Variants in ADGRB3 observed in about 807,000 individuals in gnomAD.
ADGRB3 encodes the protein brain-specific angiogenesis inhibitor 3.
ADGRB3 carries 37 observed loss-of-function variants against 193.4 expected under a neutral mutation model. The observed-to-expected ratio is 0.19, with a 90% CI of 0.15 to 0.25. The LOEUF (loss-of-function observed/expected upper bound fraction) is 0.25. ADGRB3 is among the 10% of genes least tolerant of loss of function. The pLI is 1.00. For missense variants in ADGRB3, 1,637 were observed against 1,852.9 expected (o/e 0.88, Z 2.14); for synonymous variants, 690 against 644.2 (o/e 1.07, Z -1.08).
At chr6:68,814,241 T>C (rs1352487030) in intron 3 of ADGRB3, among the ~76,000 whole-genome samples, 1 of 152,190 alleles carries the variant, frequency 6.6e-6, no homozygotes, top group Non-Finnish European at 1.5e-5. Context: ...TTTTTAATGA[T>C]TGCCATTCTA....
At chr6:68,689,453 A>C (rs555608060) in intron 3 of ADGRB3, among the ~76,000 whole-genome samples, 1 of 152,300 alleles carries the variant, frequency 6.6e-6, no homozygotes, top group South Asian at 2.1e-4. Flanking sequence ...TGAGGGGAAC[A>C]AACCAAGATT....
chr6:69,021,730 G>T (rs954233412), intron 13 of ADGRB3, among the ~76,000 whole-genome samples: 1 of 151,918 alleles, frequency 6.6e-6, no homozygotes. Context: ...CAGAAAAGGA[G>T]TGACATATTT....
Position 69,351,887 on chromosome 6 carries a change from A to C in ADGRB3, c.3460-2346A>C, listed in dbSNP as rs1355020970. 2.0e-5 allele frequency among the ~76,000 whole-genome samples: 3 copies of C among 152,226 alleles called. No homozygotes were observed. The East Asian group carries it at 5.8e-4, about 29-fold the overall frequency. ...TGGTTAGCAAGGACCATTCAAATTA[A>C]TCTTTGGTATTGCCAAAATATTTCT... On this transcript the variant is annotated intron_variant, in intron 26 of 31. Transcript: ENST00000370598.
Position 69,233,293 on chromosome 6 carries a change from C to T in ADGRB3, c.2484C>T (p.Asn828=). ...CCCCCCTCACTCCCCTTTGCAGGAA[C>T]GAGTCTTTGGGAACGTGGTCCACCC... ...YCVLWDDSKT[N]ESLGTWSTQG... Residue 828 remains asparagine (N), a synonymous_variant, in exon 18 of 32, where the codon AAC becomes AAT. Transcript: ENST00000370598. 1 of 1,613,480 alleles carries T rather than the reference C, an allele frequency of 6.2e-7. No individual in the cohort carries two copies. The highest frequency in any genetic ancestry group is 8.5e-7 in the Non-Finnish European group (1 of 1,179,758).
chr6:69,377,029 T>C (rs564104085), intron 30 of ADGRB3, among the ~76,000 whole-genome samples: 1 of 152,214 alleles, frequency 6.6e-6, no homozygotes, highest in East Asian at 1.9e-4. Context: ...ACACTAAAAA[T>C]GGGTCTACAA....
intron 3 of ADGRB3, among the ~76,000 whole-genome samples, chr6:68,703,665 C>T (rs1377322271): frequency 6.6e-6 from 1 of 152,120 alleles, no homozygotes; most frequent in Non-Finnish European, 1.5e-5. Flanking sequence ...CTCTGTTGCC[C>T]AGCCTGGAGT....
intron 17 of ADGRB3, among the ~76,000 whole-genome samples, chr6:69,099,921 A>G (rs1340346317): frequency 1.3e-5 from 2 of 152,242 alleles, no homozygotes; most frequent in Non-Finnish European, 2.9e-5. Context: ...GTTTCTTTAT[A>G]TGAATATTTG....
At chr6:69,179,072 C>G (rs1255029508) in intron 17 of ADGRB3, among the ~76,000 whole-genome samples, 4 of 152,146 alleles carry the variant, frequency 2.6e-5, no homozygotes, top group African/African-American at 9.7e-5. Flanking sequence ...CTGTCTCTCT[C>G]AAGAATGCCA....
At chr6:68,710,329 G>A (rs562092161) in intron 3 of ADGRB3, among the ~76,000 whole-genome samples, 10 of 151,842 alleles carry the variant, frequency 6.6e-5, no homozygotes, top group Admixed American at 2.6e-4. Flanking sequence ...CCTTCCCTCC[G>A]GCTCACCAGG....
chr6:69,225,642 A>G (rs1270384806), intron 17 of ADGRB3, among the ~76,000 whole-genome samples: 5 of 152,196 alleles, frequency 3.3e-5, no homozygotes, highest in Non-Finnish European at 7.4e-5. Flanking sequence ...TTGCATGGCT[A>G]TATTACAGAA....
intron 3 of ADGRB3, among the ~76,000 whole-genome samples, chr6:68,796,213 C>T (rs750278897): frequency 1.1e-4 from 16 of 151,974 alleles, no homozygotes; most frequent in Non-Finnish European, 1.8e-4. Context: ...GCATCTAGAT[C>T]GAGCTCTATA....
At chr6:68,812,331 C>CT (rs11431525) in intron 3 of ADGRB3, among the ~76,000 whole-genome samples, 91,802 of 151,284 alleles carry the variant, frequency 0.61, 28,390 homozygotes, top group Middle Eastern at 0.75. Flanking sequence ...TTTAATATAT[C>CT]TTTTTTTTTA....
At chr6:69,165,865 T>A (rs1775117886) in intron 17 of ADGRB3, among the ~76,000 whole-genome samples, 1 of 152,100 alleles carries the variant, frequency 6.6e-6, no homozygotes, top group Non-Finnish European at 1.5e-5. Flanking sequence ...TATCTTTATT[T>A]TATAGATGAA....
chr6:68,646,236 G>C (rs1378272803), intron 3 of ADGRB3, among the ~76,000 whole-genome samples: 2 of 151,928 alleles, frequency 1.3e-5, no homozygotes, highest in Non-Finnish European at 2.9e-5. Flanking sequence ...CAGCACTTTG[G>C]GAGGCCGAGG....
intron 17 of ADGRB3, among the ~76,000 whole-genome samples, chr6:69,117,040 A>G (rs181374824): frequency 4.6e-4 from 70 of 152,318 alleles, no homozygotes; most frequent in African/African-American, 1.6e-3. Flanking sequence ...TTTTTGTCTT[A>G]TTACAAAAGT....
chr6:69,313,653 C>T (rs1768246437), intron 20 of ADGRB3, among the ~76,000 whole-genome samples: 1 of 151,680 alleles, frequency 6.6e-6, no homozygotes, highest in Non-Finnish European at 1.5e-5. Flanking sequence ...CCTGAGGGCA[C>T]AAACCTACTG....
Position 69,062,944 on chromosome 6 carries a change from G to A in ADGRB3, c.2344G>A (p.Val782Ile), listed in dbSNP as rs1771791526. Residue 782 changes from valine (V) to isoleucine (I), a missense_variant, in exon 16 of 32, where the codon GTC becomes ATC. Val to Ile is a conservative substitution (Grantham distance 29). Coordinates refer to ENST00000370598, the MANE Select transcript of ADGRB3 (RefSeq NM_001704.3). The part of the protein sequence containing the change: ...LILPTLRNYT[V>I]INSKIIVVTI... ...ATTACTCTGTTGCAGAAATTATACT[G>A]TCATTAATTCCAAAATCATCGTGGT... 1 of 1,609,118 alleles carries A rather than the reference G, an allele frequency of 6.2e-7. No homozygotes were observed. The highest frequency in any genetic ancestry group is 8.5e-7 in the Non-Finnish European group (1 of 1,176,358).
At chr6:69,295,178 C>T (rs1767784653) in intron 20 of ADGRB3, among the ~76,000 whole-genome samples, 1 of 152,122 alleles carries the variant, frequency 6.6e-6, no homozygotes, top group South Asian at 2.1e-4. Flanking sequence ...ATTCGGTGAT[C>T]TTTGAATCCA....
chr6:68,882,200 ATCAGTAAT>A (rs1433838862), intron 3 of ADGRB3, among the ~76,000 whole-genome samples: 5 of 152,220 alleles, frequency 3.3e-5, no homozygotes, highest in African/African-American at 1.2e-4. Flanking sequence ...TATGGAGATT[ATCAGTAAT>A]TGCTCTATTA....
Sources: gnomAD v4.1 joint callset for allele counts (sites outside exome capture counted in the v4.1 genomes callset) on GRCh38, gnomAD v4.1.1 for gene constraint, MANE v1.5 for transcripts, NCBI Gene and HGNC (gene_info 2026-07-23, HGNC 2026-07-21) for gene names.